SLK: variants seen among roughly 807,000 people sequenced by gnomAD.
SLK encodes STE20 like kinase, also known as STE20-like serine/threonine-protein kinase.
A neutral mutation model predicts 147.7 loss-of-function variants in SLK; 67 were observed. That is an observed-to-expected ratio of 0.45 (90% CI 0.37 to 0.56). The LOEUF is 0.56. SLK is among the 20% of genes least tolerant of loss of function. The probability of loss-of-function intolerance (pLI) is 0.00; values close to 1 mark genes in which losing one functional copy is unlikely to be tolerated. For missense variants in SLK, 1,136 were observed against 1,438.8 expected, an observed-to-expected ratio of 0.79 and a Z score of 3.41; for synonymous variants, 441 against 475.0, an observed-to-expected ratio of 0.93 and a Z score of 0.93.
chr10:103,968,063 G>A lies in SLK; in HGVS notation c.150+168G>A, dbSNP rs1219016924. Reference sequence around the variant, plus strand: ...ATCCAAGGAGTAGCTAAGAAGTCGGGTTTACGGTGGAACAAAATGGGGCCT... The same window carrying A: ...ATCCAAGGAGTAGCTAAGAAGTCGGATTTACGGTGGAACAAAATGGGGCCT... On this transcript the variant is annotated intron_variant, in intron 1 of 18. Coordinates refer to ENST00000369755, the MANE Select transcript of SLK (RefSeq NM_014720.4). 2.6e-5 allele frequency among the ~76,000 whole-genome samples: 4 copies of A among 152,162 alleles called. No individual in the cohort carries two copies. In the East Asian group the frequency reaches 5.8e-4, roughly 22 times the overall value.
rs770294126 is a variant in SLK, at chr10:103,999,328, A to T, written c.782+15A>T. 1.4e-5 allele frequency: 22 copies of T among 1,562,370 alleles called. No individual in the cohort carries two copies. Among genetic ancestry groups the T allele is most frequent in the Middle Eastern group, 1.7e-4 (1 of 5,860 alleles). The stretch of plus-strand genomic sequence containing the variant: ...CCATCCAGATGGTAAAAATATTCTT[A>T]AAAAAGCTTAATAAGAAACAAATGA... On this transcript the variant is annotated intron_variant, in intron 6 of 18. Coordinates refer to ENST00000369755, the MANE Select transcript of SLK (RefSeq NM_014720.4).
intron 1 of SLK, 53 bp downstream of exon 1, chr10:103,967,948 C>G: frequency 1.3e-6 from 2 of 1,583,188 alleles, no homozygotes; most frequent in South Asian, 1.1e-5. Context: ...AGCCACTGGC[C>G]TGGAGTGGCG....
intron 1 of SLK, among the ~76,000 whole-genome samples, chr10:103,976,249 C>T (rs1460322070): frequency 6.6e-6 from 1 of 152,052 alleles, no homozygotes. Context: ...CATGAATATT[C>T]TTGTGCCTTT....
intron 1 of SLK, among the ~76,000 whole-genome samples, chr10:103,987,215 G>T (rs1328453914): frequency 6.6e-6 from 1 of 151,750 alleles, no homozygotes; most frequent in Admixed American, 6.6e-5. Flanking sequence ...TAAACCAAAT[G>T]ATATCATTGT....
intron 4 of SLK, among the ~76,000 whole-genome samples, chr10:103,997,322 C>A (rs1434590922): frequency 2.6e-5 from 4 of 152,284 alleles, no homozygotes; most frequent in Non-Finnish European, 5.9e-5. Flanking sequence ...TCCGTTCATC[C>A]ATCAGTGGGC....
At chr10:103,986,668 G>GTT (rs759976399) in intron 1 of SLK, among the ~76,000 whole-genome samples, 82 of 97,208 alleles carry the variant, frequency 8.4e-4, no homozygotes, top group African/African-American at 1.9e-3. Context: ...TATGTGAAGA[G>GTT]TTTTTTTTTT....
intron 4 of SLK, among the ~76,000 whole-genome samples, chr10:103,998,555 AGT>A (rs796318605): frequency 2.4e-4 from 36 of 152,310 alleles, no homozygotes; most frequent in African/African-American, 8.2e-4. Context: ...AATGACTCTT[AGT>A]TTAATTGTGC....
chr10:104,017,817 C>T (rs1844484102), intron 13 of SLK, among the ~76,000 whole-genome samples: 1 of 152,152 alleles, frequency 6.6e-6, no homozygotes, highest in African/African-American at 2.4e-5. Context: ...GTTTTAGTCA[C>T]ACCATAGTGG....
At chr10:103,972,822 T>C (rs1256678538) in intron 1 of SLK, among the ~76,000 whole-genome samples, 1 of 152,246 alleles carries the variant, frequency 6.6e-6, no homozygotes, top group Admixed American at 6.5e-5. Context: ...TCTTTTAATA[T>C]GTTTTTGGTA....
intron 4 of SLK, among the ~76,000 whole-genome samples, chr10:103,997,584 C>T: frequency 6.7e-6 from 1 of 149,118 alleles, no homozygotes; most frequent in East Asian, 2.0e-4. Flanking sequence ...CTTGTCAACA[C>T]TTTTTTTTTT....
In SLK at chr10:103,967,883, G is replaced by C. The variant is rs1464408063; in HGVS notation, c.138G>C (p.Gly46=). ...GAGAACTGGGCGACGGAGCCTTTGG[G>C]AAAGTGTACAAGGTAAGAGGGGGAA... ...IIGELGDGAF[G]KVYKAQNKET... Residue 46 remains glycine, a synonymous_variant, in exon 1 of 19, where the codon GGG becomes GGC. Coordinates refer to ENST00000369755, the MANE Select transcript of SLK (RefSeq NM_014720.4). The C allele has an allele frequency of 4.4e-6, 7 of 1,593,098 alleles. No homozygotes were observed. Among genetic ancestry groups the C allele is most frequent in the Non-Finnish European group, 6.0e-6 (7 of 1,169,672 alleles).
intron 1 of SLK, among the ~76,000 whole-genome samples, chr10:103,984,786 T>C (rs1589528941): frequency 1.3e-5 from 2 of 152,298 alleles, no homozygotes; most frequent in Admixed American, 1.3e-4. Flanking sequence ...TTGTTGACTG[T>C]CCACTCCCCA....
chr10:103,969,608 G>A (rs1235020961), intron 1 of SLK, among the ~76,000 whole-genome samples: 7 of 152,210 alleles, frequency 4.6e-5, no homozygotes, highest in Admixed American at 3.9e-4. Context: ...GGCTGTGGAA[G>A]TTGGCAAAAT....
intron 13 of SLK, among the ~76,000 whole-genome samples, chr10:104,015,112 A>T (rs1479276223): frequency 2.0e-5 from 3 of 151,674 alleles, no homozygotes; most frequent in Non-Finnish European, 4.4e-5. Context: ...GGACCTTTTC[A>T]GATAATTTTT....
At position 104,010,922 on chromosome 10, in the gene SLK, C is replaced by A; in HGVS notation, c.2877+14C>A. 1.3e-6 allele frequency: 2 copies of A among 1,520,458 alleles called. No homozygotes were observed. Among genetic ancestry groups the A allele is most frequent in the African/African-American group, 1.4e-5 (1 of 71,052 alleles). The allele number at this position is 1,520,458 out of a possible 1,614,324, so 94.2% of individuals were successfully genotyped here. ...CAGCATGCTCAGGTAACAGCAGCAGCTTAATGCTACTAAAACCAGAAAGCA... is the reference window on the plus strand; with the variant it reads ...CAGCATGCTCAGGTAACAGCAGCAGATTAATGCTACTAAAACCAGAAAGCA... On this transcript the variant is annotated intron_variant, in intron 13 of 18. Transcript: ENST00000369755.
chr10:103,982,351 G>A (rs1843957655), intron 1 of SLK, among the ~76,000 whole-genome samples: 1 of 152,086 alleles, frequency 6.6e-6, no homozygotes, highest in South Asian at 2.1e-4. Flanking sequence ...CTGAGAATTG[G>A]TAAAACATTT....
chr10:103,999,354 T>A, intron 6 of SLK, 41 bp downstream of exon 6: 1 of 1,399,264 alleles, frequency 7.1e-7, no homozygotes, highest in Non-Finnish European at 9.8e-7. Context: ...AAACAAATGA[T>A]ACTAGGAAGC....
chr10:103,998,837 C>A, intron 4 of SLK, 62 bp from the exon 5 acceptor site: 1 of 1,150,174 alleles, frequency 8.7e-7, no homozygotes, highest in South Asian at 1.3e-5. Flanking sequence ...TTTTTCTCCC[C>A]ATTGAATACA....
intron 1 of SLK, among the ~76,000 whole-genome samples, chr10:103,976,117 G>A (rs1843866988): frequency 6.6e-6 from 1 of 151,998 alleles, no homozygotes; most frequent in African/African-American, 2.4e-5. Context: ...TGCCCAGGCT[G>A]GTCTCAAATT....
Sources: allele counts gnomAD v4.1 joint callset (sites outside exome capture counted in the v4.1 genomes callset), GRCh38; gene constraint gnomAD v4.1.1; transcripts MANE v1.5; gene names NCBI Gene and HGNC (gene_info 2026-07-23, HGNC 2026-07-21).